The following MPHOSPH8 variants were observed in gnomAD, a reference collection of about 807,000 sequenced individuals.
The protein encoded by MPHOSPH8 is M-phase phosphoprotein, mpp.
In MPHOSPH8, 45 loss-of-function variants were observed where a neutral mutation model predicts 87.3. That is an observed-to-expected ratio of 0.52 (90% CI 0.41 to 0.66). MPHOSPH8 has a LOEUF of 0.66. MPHOSPH8 is among the 30% of genes least tolerant of loss of function. The pLI is 0.00. For missense variants in MPHOSPH8, 883 were observed against 1,020.2 expected (o/e 0.87, Z 1.83); for synonymous variants, 366 against 376.9 (o/e 0.97, Z 0.33).
At chr13:19,663,174 G>GCCAA in intron 9 of MPHOSPH8, 48 bp downstream of exon 9, 1 of 1,490,488 alleles carries the variant, frequency 6.7e-7, no homozygotes, top group Non-Finnish European at 9.4e-7. Flanking sequence ...GTTGGCAGGT[G>GCCAA]CTCGTGTTGG....
At chr13:19,664,821 G>A (rs1438773550) in intron 9 of MPHOSPH8, among the ~76,000 whole-genome samples, 1 of 152,156 alleles carries the variant, frequency 6.6e-6, no homozygotes, top group African/African-American at 2.4e-5. Flanking sequence ...CAGGAGAGAG[G>A]TGTGGGCTGG....
intron 13 of MPHOSPH8, 151 bp downstream of exon 13, chr13:19,671,440 TCA>T: frequency 3.0e-6 from 2 of 664,592 alleles, no homozygotes; most frequent in Non-Finnish European, 2.6e-6. Flanking sequence ...GCACCCTCTC[TCA>T]GTTTACAATG....
chr13:19,658,697 C>CGATCCCT, intron 5 of MPHOSPH8, among the ~76,000 whole-genome samples: 1 of 152,322 alleles, frequency 6.6e-6, no homozygotes, highest in Non-Finnish European at 1.5e-5. Flanking sequence ...ACCAGATCCC[C>CGATCCCT]GATCCCTCCT....
At chr13:19,642,300 ACAT>A in intron 2 of MPHOSPH8, 30 bp downstream of exon 2, 1 of 1,509,664 alleles carries the variant, frequency 6.6e-7, no homozygotes, top group African/African-American at 1.6e-5. Flanking sequence ...ATTTGTTTTT[ACAT>A]ACATAAATTT....
Position 19,671,255 on chromosome 13 carries a change from T to TA in MPHOSPH8, c.2507_2508insA (p.Phe837LeufsTer13). The stretch of plus-strand genomic sequence containing the variant: ...AGCCCTGTTGCAGGTCCCAATAAAC[T>TA]CTTCATAAGGTTGACAGAAGCACCC... On this transcript the variant is annotated frameshift_variant, in exon 13 of 14. Transcript: ENST00000361479. LOFTEE classifies it high-confidence loss of function. 6.2e-7 allele frequency: 1 copy of TA among 1,614,110 alleles called. No homozygotes were observed. The highest frequency in any genetic ancestry group is 8.5e-7 in the Non-Finnish European group (1 of 1,179,990).
chr13:19,647,715 G>A (rs17085239), intron 3 of MPHOSPH8, among the ~76,000 whole-genome samples: 16,246 of 152,034 alleles, frequency 0.11, 1,053 homozygotes, highest in African/African-American at 0.18. Flanking sequence ...ATTTAATAGG[G>A]AATTTGTCCC....
At chr13:19,638,362 C>G (rs1432664209) in intron 1 of MPHOSPH8, among the ~76,000 whole-genome samples, 1 of 152,018 alleles carries the variant, frequency 6.6e-6, no homozygotes, top group Non-Finnish European at 1.5e-5. Context: ...CACCTGTAAT[C>G]CCAGCACTTT....
chr13:19,640,819 T>A (rs1874247566), intron 1 of MPHOSPH8, among the ~76,000 whole-genome samples: 1 of 152,218 alleles, frequency 6.6e-6, no homozygotes, highest in African/African-American at 2.4e-5. Flanking sequence ...GTTTTTGTAC[T>A]ATTTTTTGTT....
At position 19,648,510 on chromosome 13, in the gene MPHOSPH8, A is replaced by G. The variant is rs1874684543; in HGVS notation, c.1307A>G (p.Lys436Arg). Residue 436 changes from lysine (K) to arginine (R), a missense_variant, in exon 4 of 14, where the codon AAA becomes AGA. By Grantham distance (26) the Lys-to-Arg change is conservative. Transcript: ENST00000361479. ...DKEEKGRKEP[K>R]GLKTLKEIRN... Reference sequence around the variant, plus strand: ...GAAGAAAAAGGCAGAAAAGAGCCAAAAGGATTAAAGAGTGAGTGTAAATAT... The same window carrying G: ...GAAGAAAAAGGCAGAAAAGAGCCAAGAGGATTAAAGAGTGAGTGTAAATAT... 1 of 1,568,308 alleles carries G rather than the reference A, an allele frequency of 6.4e-7. No homozygotes were observed. Among genetic ancestry groups the G allele is most frequent in the Non-Finnish European group, 8.6e-7 (1 of 1,156,174 alleles).
At chr13:19,649,466 C>CT (rs1195471012) in intron 4 of MPHOSPH8, among the ~76,000 whole-genome samples, 2 of 152,092 alleles carry the variant, frequency 1.3e-5, no homozygotes, top group African/African-American at 4.8e-5. Context: ...TAATTCTCTT[C>CT]TTTTTGGGGT....
At chr13:19,669,844 AG>A in intron 11 of MPHOSPH8, among the ~76,000 whole-genome samples, 1 of 152,286 alleles carries the variant, frequency 6.6e-6, no homozygotes, top group South Asian at 2.1e-4. Flanking sequence ...AAAAATTGGA[AG>A]GGGCAAAAGG....
At chr13:19,634,010 G>C in intron 1 of MPHOSPH8, 49 bp downstream of exon 1, 3 of 1,568,574 alleles carry the variant, frequency 1.9e-6, no homozygotes, top group Non-Finnish European at 2.6e-6. Context: ...CTCCGGGCCT[G>C]GCGGGGAGGA....
intron 5 of MPHOSPH8, among the ~76,000 whole-genome samples, chr13:19,651,190 T>C (rs920094751): frequency 4.6e-5 from 7 of 152,158 alleles, no homozygotes; most frequent in African/African-American, 7.2e-5. Flanking sequence ...GTGTACAGAT[T>C]TAAAAGATGA....
At position 19,649,989 on chromosome 13, in the gene MPHOSPH8, A is replaced by C; in HGVS notation, c.1319-14A>C. Reference sequence around the variant, plus strand: ...TGACTCATACTTAACCATCTATTTTAATTTTTTCGTTAGCACTTAAGGAAA... The same window carrying C: ...TGACTCATACTTAACCATCTATTTTCATTTTTTCGTTAGCACTTAAGGAAA... On this transcript the variant is annotated splice_polypyrimidine_tract_variant and intron_variant, in intron 4 of 13. Coordinates refer to ENST00000361479, the MANE Select transcript of MPHOSPH8 (RefSeq NM_017520.4). 1 of 1,542,588 alleles carries C rather than the reference A, an allele frequency of 6.5e-7. No homozygotes were observed. Among genetic ancestry groups the C allele is most frequent in the Non-Finnish European group, 8.8e-7 (1 of 1,140,472 alleles).
At chr13:19,661,575 A>T in intron 7 of MPHOSPH8, 123 bp from the exon 8 acceptor site, 1 of 989,952 alleles carries the variant, frequency 1.0e-6, no homozygotes, top group South Asian at 2.0e-5. Flanking sequence ...GAAAATCCTA[A>T]GTAGATGCCT....
chr13:19,658,977 G>A lies in MPHOSPH8; in HGVS notation c.1577-18G>A. ...ACTTCAGACAAATGTATGTTAACAA[G>A]GCTATTGTGTGTTCCAGATGGCAGG... On this transcript the variant is annotated intron_variant, in intron 5 of 13. Transcript: ENST00000361479. The A allele has an allele frequency of 6.2e-7, 1 of 1,607,990 alleles. No individual in the cohort carries two copies.
At chr13:19,636,172 T>C (rs1263265359) in intron 1 of MPHOSPH8, among the ~76,000 whole-genome samples, 2 of 152,232 alleles carry the variant, frequency 1.3e-5, no homozygotes, top group Non-Finnish European at 2.9e-5. Context: ...AACAGGACTA[T>C]TGCAGTTTTC....
rs1296421982 is a variant in MPHOSPH8 at position 19,633,978 on chromosome 13, C to CTG, written c.213+17_213+18insTG. ...ACCGAGGGGGTATGTGGAGGGGCCC[C>CTG]GGCGCGGGGCTGGGCGGGGAGCTCC... On this transcript the variant is annotated intron_variant, in intron 1 of 13. Coordinates refer to ENST00000361479, the MANE Select transcript of MPHOSPH8 (RefSeq NM_017520.4). The CTG allele has an allele frequency of 2.5e-6, 4 of 1,596,660 alleles. No homozygotes were observed. In the African/African-American group the frequency reaches 5.3e-5, roughly 21 times the overall value.
intron 13 of MPHOSPH8, 50 bp from the exon 14 acceptor site, chr13:19,671,782 GAA>G (rs753125327): frequency 1.0e-5 from 16 of 1,573,936 alleles, no homozygotes; most frequent in Non-Finnish European, 1.3e-5. Context: ...TTTCTTGTAA[GAA>G]AGGGGAAATC....
Sources: gnomAD v4.1 joint callset for allele counts (sites outside exome capture counted in the v4.1 genomes callset) on GRCh38, gnomAD v4.1.1 for gene constraint, MANE v1.5 for transcripts, NCBI Gene and HGNC (gene_info 2026-07-23, HGNC 2026-07-21) for gene names.